Variants in TRIM6 observed in about 807,000 individuals in gnomAD.
TRIM6 encodes tripartite motif containing 6.
In TRIM6, 43 loss-of-function variants were observed where a neutral mutation model predicts 51.2. The observed-to-expected ratio is 0.84, with a 90% CI of 0.66 to 1.08. TRIM6 has a LOEUF of 1.08. Ranked by LOEUF, TRIM6 falls within the 50% of genes least tolerant of loss-of-function variation. The probability of loss-of-function intolerance (pLI) is 0.00; values close to 1 mark genes in which losing one functional copy is unlikely to be tolerated. For missense variants in TRIM6, 669 were observed against 619.0 expected (o/e 1.08, Z -0.86); for synonymous variants, 215 against 232.4 (o/e 0.93, Z 0.68).
chr11:5,608,278 G>A lies in TRIM6; in HGVS notation c.835-94G>A, dbSNP rs1322794136. ...CTCCACATTAGGATTATCTTTATTT[G>A]TATCATATCATGGGGTAGGGGACAT... On this transcript the variant is annotated intron_variant, in intron 4 of 7. Transcript: ENST00000380097. The A allele has an allele frequency of 3.9e-6, 6 of 1,553,620 alleles. No homozygotes were observed. The South Asian group carries it at 4.8e-5, about 13-fold the overall frequency.
chr11:5,612,213 T>C lies in TRIM6; in HGVS notation c.*871T>C, dbSNP rs1210100229. 6.6e-6 allele frequency: 1 copy of C among 152,228 alleles called. No homozygotes were observed. The highest frequency in any genetic ancestry group is 1.5e-5 in the Non-Finnish European group (1 of 68,042). 9.4% of individuals were successfully genotyped at this position (152,228 alleles called of 1,614,324 possible). A position where few individuals can be genotyped will look rare whatever the true frequency, so the allele number is the denominator to read the frequency against. ...GTATTTTTACATTCTTGTAATATCTTTGCCAGGTTCTATAAAATGCAATAA... is the reference window on the plus strand; with the variant it reads ...GTATTTTTACATTCTTGTAATATCTCTGCCAGGTTCTATAAAATGCAATAA... On this transcript the variant is annotated 3_prime_UTR_variant, in exon 8 of 8. Coordinates refer to ENST00000380097, the MANE Select transcript of TRIM6 (RefSeq NM_001003818.3).
chr11:5,603,817 T>G, intron 2 of TRIM6, 82 bp downstream of exon 2: 1 of 1,510,638 alleles, frequency 6.6e-7, no homozygotes, highest in South Asian at 1.3e-5. Flanking sequence ...TGATCTAATC[T>G]CTTTGTAGTC....
intron 1 of TRIM6, 113 bp downstream of exon 1, chr11:5,597,027 T>C: frequency 6.4e-7 from 1 of 1,559,606 alleles, no homozygotes; most frequent in Non-Finnish European, 8.7e-7. Context: ...CTTTATTTCT[T>C]TTTCTTTCTC....
chr11:5,599,553 G>A (rs1324753907), intron 1 of TRIM6, among the ~76,000 whole-genome samples: 2 of 152,046 alleles, frequency 1.3e-5, no homozygotes, highest in African/African-American at 4.8e-5. Flanking sequence ...ACAGGCATCC[G>A]CCACTACACC....
chr11:5,601,484 G>A (rs1478694336), intron 1 of TRIM6, among the ~76,000 whole-genome samples: 1 of 152,168 alleles, frequency 6.6e-6, no homozygotes, highest in African/African-American at 2.4e-5. Context: ...CAGGCTGGGC[G>A]CAGTGGCTCA....
At chr11:5,608,559 A>ACTGG (rs1354198335) in intron 5 of TRIM6, among the ~76,000 whole-genome samples, 165 bp downstream of exon 5, 1 of 152,082 alleles carries the variant, frequency 6.6e-6, no homozygotes, top group Non-Finnish European at 1.5e-5. Context: ...AAGGGGATGA[A>ACTGG]CTGGCCTCTC....
Position 5,603,399 on chromosome 11 carries a change from C to T in TRIM6, c.171C>T (p.Asp57=), listed in dbSNP as rs1240940456. 6.2e-7 allele frequency: 1 copy of T among 1,612,082 alleles called. No individual in the cohort carries two copies. The highest frequency in any genetic ancestry group is 1.7e-4 in the Middle Eastern group (1 of 6,060). ...TCCTAACAGAACCCCTGAGCATAGACTGTGGCCACAGCTTCTGCCAAGCCT... is the reference window on the plus strand; with the variant it reads ...TCCTAACAGAACCCCTGAGCATAGATTGTGGCCACAGCTTCTGCCAAGCCT... ...LELLTEPLSI[D]CGHSFCQACI... The change falls in exon 2 of 8, where the codon GAC becomes GAT. Residue 57 remains aspartate (D), a synonymous_variant. Transcript: ENST00000380097.
intron 1 of TRIM6, among the ~76,000 whole-genome samples, chr11:5,598,720 T>C (rs182703605): frequency 1.6e-3 from 243 of 152,376 alleles, no homozygotes; most frequent in African/African-American, 5.6e-3. Context: ...TCTGGCTACA[T>C]GTTTGACAAC....
rs752843699 is a variant in TRIM6 at position 5,610,977 on chromosome 11, A to C, written c.1186A>C (p.Ile396Leu). 1.2e-6 allele frequency: 2 copies of C among 1,614,152 alleles called. No homozygotes were observed. Among genetic ancestry groups the C allele is most frequent in the Non-Finnish European group, 1.7e-6 (2 of 1,180,018 alleles). ...EVDVAKKTAW[I>L]LGVCSNSLGP... ...AGATGTGGCCAAGAAGACTGCCTGG[A>C]TCCTGGGGGTATGCAGCAATTCACT... The change falls in exon 8 of 8, where the codon ATC becomes CTC. Residue 396 changes from isoleucine to leucine, a missense_variant. Ile to Leu is a conservative substitution (Grantham distance 5, BLOSUM62 2). Transcript: ENST00000380097.
rs77373511 is a variant in TRIM6, at chr11:5,612,414, T to A, written c.*1072T>A. The stretch of plus-strand genomic sequence containing the variant: ...ACATTTAAGAGTAGCAATAGAACAA[T>A]AAAAAAAAATACGTCTTTCAAATTA... On this transcript the variant is annotated 3_prime_UTR_variant, in exon 8 of 8. Transcript: ENST00000380097. 1 of 150,160 alleles carries A rather than the reference T, an allele frequency of 6.7e-6. No homozygotes were observed. The allele number at this position is 150,160 out of a possible 1,614,324, so 9.3% of individuals were successfully genotyped here. A position where few individuals can be genotyped will look rare whatever the true frequency, so the allele number is the denominator to read the frequency against.
upstream of TRIM6, among the ~76,000 whole-genome samples, chr11:5,596,394 C>T (rs1847445151): frequency 6.7e-6 from 1 of 148,682 alleles, no homozygotes; most frequent in South Asian, 2.2e-4. Flanking sequence ...AGTTAAACCT[C>T]TATTCTACAA....
At chr11:5,605,813 C>G (rs1848170927) in intron 4 of TRIM6, among the ~76,000 whole-genome samples, 1 of 152,206 alleles carries the variant, frequency 6.6e-6, no homozygotes, top group South Asian at 2.1e-4. Context: ...TTATTTGATG[C>G]TGTGGAGAAG....
intron 7 of TRIM6, 32 bp from the exon 8 acceptor site, chr11:5,610,745 C>G: frequency 6.2e-7 from 1 of 1,606,038 alleles, no homozygotes; most frequent in Non-Finnish European, 8.5e-7. Context: ...TGTCCCCGTT[C>G]TCATCTGCTG....
At chr11:5,607,191 A>G (rs758625779) in intron 4 of TRIM6, among the ~76,000 whole-genome samples, 14 of 152,108 alleles carry the variant, frequency 9.2e-5, no homozygotes, top group Admixed American at 3.3e-4. Context: ...GCGACAGAGC[A>G]AGACTCCATC....
intron 4 of TRIM6, among the ~76,000 whole-genome samples, chr11:5,606,809 A>C (rs1282968387): frequency 6.6e-6 from 1 of 152,126 alleles, no homozygotes; most frequent in African/African-American, 2.4e-5. Context: ...GGACATTTAA[A>C]CTTGAGTAGT....
chr11:5,597,723 T>G (rs1847560465), intron 1 of TRIM6, among the ~76,000 whole-genome samples: 1 of 152,172 alleles, frequency 6.6e-6, no homozygotes, highest in Non-Finnish European at 1.5e-5. Flanking sequence ...TCACTGATTT[T>G]TATTCTGAAA....
chr11:5,605,188 A>C (rs1848130529), intron 3 of TRIM6, 149 bp from the exon 4 acceptor site: 1 of 1,053,468 alleles, frequency 9.5e-7, no homozygotes, highest in South Asian at 1.3e-5. Flanking sequence ...AGAACAGGCT[A>C]CAAAGGCTTT....
At chr11:5,608,105 G>A (rs61065873) in intron 4 of TRIM6, among the ~76,000 whole-genome samples, 5,643 of 152,234 alleles carry the variant, frequency 0.037, 210 homozygotes, top group East Asian at 0.17. Flanking sequence ...AATAATACAT[G>A]CTATACATAC....
chr11:5,596,925 C>T lies in TRIM6; in HGVS notation c.17+11C>T, dbSNP rs761301591. On this transcript the variant is annotated intron_variant, in intron 1 of 7. Transcript: ENST00000380097. ...GTGCGGGTCAGAGAGGTATGTCTAC[C>T]GTTCTGTTGACTGGCTCTTATTGTC... 1.2e-6 allele frequency: 2 copies of T among 1,614,022 alleles called. No homozygotes were observed. Among genetic ancestry groups the T allele is most frequent in the Non-Finnish European group, 1.7e-6 (2 of 1,179,974 alleles).
Sources: allele counts gnomAD v4.1 joint callset (sites outside exome capture counted in the v4.1 genomes callset), GRCh38; gene constraint gnomAD v4.1.1; transcripts MANE v1.5; gene names NCBI Gene and HGNC (gene_info 2026-07-23, HGNC 2026-07-21).